The following RNF216 variants were observed in gnomAD, a reference collection of about 807,000 sequenced individuals.
The protein encoded by RNF216 is ring finger protein 216, also known as E3 ubiquitin-protein ligase RNF216.
A neutral mutation model predicts 110.8 loss-of-function variants in RNF216; 72 were observed. That is an observed-to-expected ratio of 0.65 (90% CI 0.54 to 0.79). The LOEUF (loss-of-function observed/expected upper bound fraction) is 0.79. Ranked by LOEUF, RNF216 falls within the 30% of genes least tolerant of loss-of-function variation. The pLI is 0.00. For synonymous variants in RNF216, 495 were observed against 407.5 expected (o/e 1.21, Z -2.59); for missense variants, 1,342 against 1,141.2 (o/e 1.18, Z -2.54).
intron 14 of RNF216, among the ~76,000 whole-genome samples, chr7:5,651,268 G>T (rs990469501): frequency 6.6e-6 from 1 of 151,714 alleles, no homozygotes; most frequent in Admixed American, 6.6e-5. Context: ...CTGTCGCCCA[G>T]GCTGTAGTGT....
At chr7:5,724,784 A>G (rs1284965070) in intron 8 of RNF216, among the ~76,000 whole-genome samples, 1 of 152,182 alleles carries the variant, frequency 6.6e-6, no homozygotes, top group African/African-American at 2.4e-5. Flanking sequence ...GGTGGAAGCA[A>G]CTCAGATAAA....
chr7:5,623,106 C>CG lies in RNF216; in HGVS notation c.2525dup (p.Arg843GlufsTer57). The stretch of plus-strand genomic sequence containing the variant: ...GTGGCAGGTTCTGCGGAACGGGCCT[C>CG]GGGAGGGCCTCCACCCTCTGCACCT... On this transcript the variant is annotated frameshift_variant, in exon 17 of 17. Transcript: ENST00000389902. LOFTEE classifies it high-confidence loss of function. 1 of 1,608,402 alleles carries CG rather than the reference C, an allele frequency of 6.2e-7. No homozygotes were observed. The highest frequency in any genetic ancestry group is 8.5e-7 in the Non-Finnish European group (1 of 1,175,700).
intron 10 of RNF216, 146 bp downstream of exon 10, chr7:5,716,570 T>C (rs549953262): frequency 1.7e-6 from 1 of 595,496 alleles, no homozygotes; most frequent in Non-Finnish European, 3.0e-6. Context: ...AGATCACGTA[T>C]CTGACTATAA....
At chr7:5,764,381 C>T (rs1369255529) in intron 1 of RNF216, among the ~76,000 whole-genome samples, 1 of 152,126 alleles carries the variant, frequency 6.6e-6, no homozygotes, top group East Asian at 1.9e-4. Flanking sequence ...GGCTTGGTGG[C>T]TCACACCTGT....
intron 14 of RNF216, among the ~76,000 whole-genome samples, chr7:5,645,969 T>TC (rs1484487814): frequency 1.3e-5 from 2 of 152,242 alleles, no homozygotes; most frequent in Non-Finnish European, 2.9e-5. Context: ...GCCCATGGTT[T>TC]CACCTGGCTT....
rs573951831 is a variant in RNF216, at chr7:5,701,351, G to C, written c.2061+10410C>G. ...GGGATTTTCCACCTGCCCACTTTAG[G>C]GGAACTCCATGCTCTTGTGGCAGCA... On this transcript the variant is annotated intron_variant, in intron 13 of 16. Coordinates refer to ENST00000389902, the MANE Select transcript of RNF216 (RefSeq NM_207111.4). 1.0e-3 allele frequency among the ~76,000 whole-genome samples: 156 copies of C among 152,172 alleles called. 1 individual carries two copies. The highest frequency in any genetic ancestry group is 3.7e-3 in the African/African-American group (152 of 41,520).
At chr7:5,713,140 C>G in intron 11 of RNF216, among the ~76,000 whole-genome samples, 1 of 152,186 alleles carries the variant, frequency 6.6e-6, no homozygotes, top group East Asian at 1.9e-4. Context: ...CACAGAAGCC[C>G]ATAGCTTAGG....
chr7:5,725,291 G>GCTTT (rs1562432904), intron 8 of RNF216, 33 bp downstream of exon 8: 1 of 1,239,004 alleles, frequency 8.1e-7, no homozygotes, highest in South Asian at 1.2e-5. Flanking sequence ...CAGTGTTGCA[G>GCTTT]CTACACACTG....
At chr7:5,638,992 G>A (rs751246798) in intron 15 of RNF216, among the ~76,000 whole-genome samples, 4 of 152,064 alleles carry the variant, frequency 2.6e-5, no homozygotes, top group African/African-American at 4.8e-5. Context: ...TTGAGTTGAG[G>A]TGAATAGACC....
At chr7:5,662,634 C>T (rs146124850) in intron 13 of RNF216, 2,674 of 152,470 alleles carry the variant, frequency 0.018, 35 homozygotes, top group Non-Finnish European at 0.028. Flanking sequence ...GAGAGCCTTC[C>T]ATCAGTGCCG....
At chr7:5,646,350 G>T (rs889487345) in intron 14 of RNF216, among the ~76,000 whole-genome samples, 1 of 151,704 alleles carries the variant, frequency 6.6e-6, no homozygotes, top group Non-Finnish European at 1.5e-5. Flanking sequence ...CTCCAGACGG[G>T]GTGACAAGGC....
rs72421808 is a variant in RNF216, at chr7:5,689,362, T to TAAA, written c.2061+22396_2061+22398dup. 1.2e-3 allele frequency among the ~76,000 whole-genome samples: 153 copies of TAAA among 127,464 alleles called. 1 individual carries two copies. The highest frequency in any genetic ancestry group is 4.1e-3 in the African/African-American group (145 of 35,330). 83.6% of individuals were successfully genotyped at this position (127,464 alleles called of 152,430 possible). A position where few individuals can be genotyped will look rare whatever the true frequency, so the allele number is the denominator to read the frequency against. On this transcript the variant is annotated intron_variant, in intron 13 of 16. Coordinates refer to ENST00000389902, the MANE Select transcript of RNF216 (RefSeq NM_207111.4). ...TCAACAATAACCATATTTGTAGTAT[T>TAAA]AAAAAAAAAAAAAAAAAGAAAGAAG...
At position 5,634,449 on chromosome 7, in the gene RNF216, C is replaced by T. The variant is rs149268282; in HGVS notation, c.2382+6705G>A. ...GATTAGCCACAGATCGCCTGAGCAA[C>T]GGCAGACCCTTAGCCCCCACCCCTT... On this transcript the variant is annotated intron_variant, in intron 15 of 16. Coordinates refer to ENST00000389902, the MANE Select transcript of RNF216 (RefSeq NM_207111.4). Among the ~76,000 whole-genome samples, 516 of 152,370 alleles carry T rather than the reference C, an allele frequency of 3.4e-3. 3 individuals carry two copies. Among genetic ancestry groups the T allele is most frequent in the Admixed American group, 5.0e-3 (77 of 15,312 alleles).
intron 7 of RNF216, among the ~76,000 whole-genome samples, 194 bp from the exon 8 acceptor site, chr7:5,725,632 T>A (rs1167834617): frequency 1.3e-5 from 2 of 152,064 alleles, no homozygotes; most frequent in African/African-American, 4.8e-5. Flanking sequence ...GGCAGATCCC[T>A]TGAGGTCAGG....
At chr7:5,755,526 G>A (rs144954302) in intron 2 of RNF216, among the ~76,000 whole-genome samples, 300 of 152,256 alleles carry the variant, frequency 2.0e-3, no homozygotes, top group Middle Eastern at 0.01. Context: ...GCTCTCCTTC[G>A]TCCTCAAAGG....
At chr7:5,664,612 A>G (rs1789383439) in intron 13 of RNF216, among the ~76,000 whole-genome samples, 1 of 152,134 alleles carries the variant, frequency 6.6e-6, no homozygotes, top group African/African-American at 2.4e-5. Flanking sequence ...CAGGACTGGA[A>G]ATGCGCATTC....
At chr7:5,699,358 G>A (rs1001113216) in intron 13 of RNF216, among the ~76,000 whole-genome samples, 1 of 152,164 alleles carries the variant, frequency 6.6e-6, no homozygotes, top group African/African-American at 2.4e-5. Flanking sequence ...GACTCCTGAT[G>A]CTGTCACTTA....
At chr7:5,724,001 A>C (rs1793603378) in intron 8 of RNF216, among the ~76,000 whole-genome samples, 1 of 152,230 alleles carries the variant, frequency 6.6e-6, no homozygotes, top group Admixed American at 6.5e-5. Flanking sequence ...ATCAGCACCT[A>C]AATTAAAGTG....
chr7:5,726,434 C>T (rs1388903039), intron 7 of RNF216, among the ~76,000 whole-genome samples: 2 of 152,210 alleles, frequency 1.3e-5, no homozygotes, highest in Non-Finnish European at 2.9e-5. Flanking sequence ...ACACTCTTCT[C>T]TGTGTGCACC....
Sources: gnomAD v4.1 joint callset for allele counts (sites outside exome capture counted in the v4.1 genomes callset) on GRCh38, gnomAD v4.1.1 for gene constraint, MANE v1.5 for transcripts, NCBI Gene and HGNC (gene_info 2026-07-23, HGNC 2026-07-21) for gene names.